NACC2: variants seen among roughly 807,000 people sequenced by gnomAD.
NACC2 encodes the protein nucleus accumbens-associated protein 2.
In NACC2, 8 loss-of-function variants were observed where a neutral mutation model predicts 25.1. That is an observed-to-expected ratio of 0.32 (90% CI 0.19 to 0.57). The LOEUF (loss-of-function observed/expected upper bound fraction) is 0.57. NACC2 is among the 20% of genes least tolerant of loss of function. NACC2 has a pLI of 0.89. For synonymous variants in NACC2, 435 were observed against 294.7 expected (o/e 1.48, Z -4.88); for missense variants, 644 against 650.2 (o/e 0.99, Z 0.10).
chr9:136,067,219 C>G (rs1393424428), intron 1 of NACC2, among the ~76,000 whole-genome samples: 1 of 146,472 alleles, frequency 6.8e-6, no homozygotes, highest in South Asian at 2.2e-4. Context: ...GCACCAAGAT[C>G]GCACACAGCC....
chr9:136,057,423 T>C (rs991468813), intron 1 of NACC2, among the ~76,000 whole-genome samples: 3 of 152,122 alleles, frequency 2.0e-5, no homozygotes, highest in Non-Finnish European at 4.4e-5. Flanking sequence ...AGATCCGCCC[T>C]ATGGCCCCAC....
intron 2 of NACC2, among the ~76,000 whole-genome samples, chr9:136,024,189 G>A (rs1341067816): frequency 2.0e-5 from 3 of 146,934 alleles, no homozygotes; most frequent in East Asian, 2.0e-4. Context: ...AGGACGGAGT[G>A]TGTGTGTGTG....
chr9:136,023,069 AG>A (rs2131140242), intron 2 of NACC2, among the ~76,000 whole-genome samples: 2 of 31,826 alleles, frequency 6.3e-5, no homozygotes, highest in African/African-American at 1.4e-4. Flanking sequence ...AGGAGGGAAG[AG>A]GGAGGGAGGA....
At chr9:136,071,097 G>A (rs1489820799) in intron 1 of NACC2, among the ~76,000 whole-genome samples, 1 of 151,548 alleles carries the variant, frequency 6.6e-6, no homozygotes, top group Non-Finnish European at 1.5e-5. Context: ...GCCAGACATG[G>A]TGGCTCATGC....
intron 1 of NACC2, among the ~76,000 whole-genome samples, chr9:136,066,485 C>A (rs1402432692): frequency 2.6e-5 from 4 of 152,058 alleles, no homozygotes; most frequent in Non-Finnish European, 5.9e-5. Context: ...TGGCTATAAT[C>A]AAAAAGACAG....
rs1840059026 is a variant in NACC2 at position 136,008,674 on chromosome 9, T to C, written c.*2842A>G. The C allele has an allele frequency of 1.3e-5, 2 of 152,356 alleles. No homozygotes were observed. Among genetic ancestry groups the C allele is most frequent in the South Asian group, 2.1e-4 (1 of 4,840 alleles). 9.4% of individuals were successfully genotyped at this position (152,356 alleles called of 1,614,324 possible). ...TTCCTTGGGAAAAATGATCAAAGGA[T>C]GCTAAGGCACTCTGGAAGGCCCCTC... On this transcript the variant is annotated 3_prime_UTR_variant, in exon 6 of 6. Coordinates refer to ENST00000277554, the MANE Select transcript of NACC2 (RefSeq NM_144653.5).
rs570933268 is a variant in NACC2 at position 136,056,011 on chromosome 9, G to A, written c.-59-5431C>T. Among the ~76,000 whole-genome samples the A allele has an allele frequency of 2.6e-5, 4 of 152,266 alleles. No individual in the cohort carries two copies. The East Asian group carries it at 5.8e-4, about 22-fold the overall frequency. ...CCCCGTGGACCTTGCCCACCTCCGC[G>A]CAACGCCTTCCCTTTCCCATACGGT... On this transcript the variant is annotated intron_variant, in intron 1 of 5. Transcript: ENST00000277554.
intron 1 of NACC2, among the ~76,000 whole-genome samples, chr9:136,057,185 C>T (rs1840938334): frequency 6.6e-6 from 1 of 152,230 alleles, no homozygotes; most frequent in African/African-American, 2.4e-5. Flanking sequence ...CTGAGCCGAG[C>T]CCTGCGCTTA....
At chr9:136,029,242 G>C (rs1840439027) in intron 2 of NACC2, among the ~76,000 whole-genome samples, 1 of 152,182 alleles carries the variant, frequency 6.6e-6, no homozygotes, top group South Asian at 2.1e-4. Flanking sequence ...GACTCAGCCA[G>C]ACAACAGGAT....
In NACC2 at chr9:136,086,105, C is replaced by T. The variant is rs1830376549; in HGVS notation, c.-60+9084G>A. Among the ~76,000 whole-genome samples the T allele has an allele frequency of 6.6e-6, 1 of 152,248 alleles. No homozygotes were observed. The highest frequency in any genetic ancestry group is 6.5e-5 in the Admixed American group (1 of 15,292). On this transcript the variant is annotated intron_variant, in intron 1 of 5. Transcript: ENST00000277554. This position sits in a 1 kb window ranked among gnomAD's most constrained non-coding sequence, Gnocchi z 5.6. ...GGAGCCGCCTCCAGGCCCTTCACCT[C>T]GGGCTGGAGAAAACCAAGTCACCCC...
At chr9:136,085,235 C>T (rs1173125918) in intron 1 of NACC2, among the ~76,000 whole-genome samples, 2 of 147,634 alleles carry the variant, frequency 1.4e-5, no homozygotes, top group South Asian at 2.2e-4. Context: ...CTGCAACCTC[C>T]GCCTCCAGGG....
At chr9:136,073,082 G>GA (rs982350881) in intron 1 of NACC2, among the ~76,000 whole-genome samples, 8 of 152,098 alleles carry the variant, frequency 5.3e-5, no homozygotes, top group Non-Finnish European at 1.2e-4. Flanking sequence ...CAGGCTGGTA[G>GA]AAAAAACATG....
chr9:136,035,816 A>G (rs1840542975), intron 2 of NACC2, among the ~76,000 whole-genome samples: 1 of 152,224 alleles, frequency 6.6e-6, no homozygotes, highest in African/African-American at 2.4e-5. Context: ...AGAATGACAG[A>G]GCAGATGTGG....
At chr9:136,060,338 A>AG (rs960340579) in intron 1 of NACC2, among the ~76,000 whole-genome samples, 2 of 152,224 alleles carry the variant, frequency 1.3e-5, no homozygotes, top group Admixed American at 6.5e-5. Context: ...GAGGCCCTGG[A>AG]GCCGGCTGGG....
In NACC2 at chr9:136,088,660, G is replaced by A. The variant is rs368084532; in HGVS notation, c.-60+6529C>T. The stretch of plus-strand genomic sequence containing the variant: ...GCCTCATTGAGGCCCCCACCCAGCC[G>A]GCCAGGAGGCATCGTGGTCTGGGGT... On this transcript the variant is annotated intron_variant, in intron 1 of 5. Coordinates refer to ENST00000277554, the MANE Select transcript of NACC2 (RefSeq NM_144653.5). 8.7e-4 allele frequency among the ~76,000 whole-genome samples: 132 copies of A among 152,184 alleles called. 2 individuals are homozygous for A. The East Asian group carries it at 0.012, about 13-fold the overall frequency.
intron 2 of NACC2, among the ~76,000 whole-genome samples, chr9:136,038,114 A>T (rs1333075155): frequency 5.3e-5 from 8 of 152,234 alleles, no homozygotes; most frequent in Non-Finnish European, 8.8e-5. Context: ...AAGCCAGGAA[A>T]CAGATTAGCG....
intron 1 of NACC2, among the ~76,000 whole-genome samples, chr9:136,071,974 G>C (rs1251912418): frequency 6.6e-6 from 1 of 151,752 alleles, no homozygotes; most frequent in Non-Finnish European, 1.5e-5. Flanking sequence ...ACGGTGGCTC[G>C]AGTCCGTAAT....
At chr9:136,036,556 T>C (rs1236282805) in intron 2 of NACC2, among the ~76,000 whole-genome samples, 2 of 152,138 alleles carry the variant, frequency 1.3e-5, no homozygotes, top group African/African-American at 4.8e-5. Context: ...CATATACATA[T>C]ATATACACAC....
chr9:136,015,408 C>T (rs889126185), intron 3 of NACC2, among the ~76,000 whole-genome samples: 3 of 152,212 alleles, frequency 2.0e-5, no homozygotes, highest in Admixed American at 1.3e-4. Context: ...CCAGGGCAGC[C>T]CAACACTGCC....
Sources: gnomAD v4.1 joint callset for allele counts (sites outside exome capture counted in the v4.1 genomes callset) on GRCh38, gnomAD v4.1.1 for gene constraint, Gnocchi (gnomAD v3.1) non-coding constraint, MANE v1.5 for transcripts, NCBI Gene and HGNC (gene_info 2026-07-23, HGNC 2026-07-21) for gene names.